ECE1: variants seen among roughly 807,000 people sequenced by gnomAD.
ECE1 encodes endothelin converting enzyme 1.
ECE1 carries 35 observed loss-of-function variants against 98.6 expected under a neutral mutation model. That is an observed-to-expected ratio of 0.35 (90% CI 0.27 to 0.47). The LOEUF (loss-of-function observed/expected upper bound fraction) is 0.47, where lower values mean the gene tolerates loss of function less well. Ranked by LOEUF, ECE1 falls within the 20% of genes least tolerant of loss-of-function variation. The pLI is 1.00. For synonymous variants in ECE1, 394 were observed against 407.1 expected (o/e 0.97, Z 0.39); for missense variants, 814 against 1,025.3 (o/e 0.79, Z 2.81).
rs11810746 is a variant in ECE1, at chr1:21,307,474, T to A, written c.4-17318A>T. Among the ~76,000 whole-genome samples, 121 of 152,162 alleles carry A rather than the reference T, an allele frequency of 8.0e-4. No homozygotes were observed. Among genetic ancestry groups the A allele is most frequent in the African/African-American group, 2.8e-3 (116 of 41,456 alleles). On this transcript the variant is annotated intron_variant, in intron 1 of 18. Coordinates refer to the ECE1 transcript ENST00000415912. This position sits in a 1 kb window ranked among gnomAD's most constrained non-coding sequence, Gnocchi z 4.2. ...AGACACCACTAGAGTCTGTGTAAAG[T>A]GCCAAGCACAGTGGCTGGCACATAT...
At chr1:21,249,042 G>A (rs978523425) in intron 8 of ECE1, among the ~76,000 whole-genome samples, 5 of 151,950 alleles carry the variant, frequency 3.3e-5, no homozygotes, top group Admixed American at 3.3e-4. Flanking sequence ...TCTAATTATT[G>A]TTTTGTTAGG....
intron 2 of ECE1, among the ~76,000 whole-genome samples, chr1:21,289,519 G>A (rs1306266196): frequency 6.6e-6 from 1 of 152,194 alleles, no homozygotes; most frequent in African/African-American, 2.4e-5. Context: ...TGGAAAAGGG[G>A]CAGGGAGAGG....
chr1:21,279,711 G>GC, intron 2 of ECE1: 1 of 1,344,356 alleles, frequency 7.4e-7, no homozygotes. Flanking sequence ...TCTCTGCAGA[G>GC]CCCCCACATC....
In ECE1 at chr1:21,256,064, C is replaced by G. The variant is rs1217841530; in HGVS notation, c.903G>C (p.Arg301=). The G allele has an allele frequency of 6.2e-7, 1 of 1,611,760 alleles. No individual in the cohort carries two copies. Among genetic ancestry groups the G allele is most frequent in the Admixed American group, 1.7e-5 (1 of 60,002 alleles). Residue 301 remains arginine (R), a synonymous_variant, in exon 8 of 19, where the codon CGG becomes CGC. Transcript: ENST00000374893. ...LLGGGDEEAI[R]PQMQQILDFE... ...AGTCCAAGATCTGCTGCATCTGGGG[C>G]CGGATGGCCTCCTCGTCCCCGCCGC...
chr1:21,219,663 TCTGGCG>T lies in ECE1; in HGVS notation c.*286_*291del, dbSNP rs2098164868. 4 of 491,134 alleles carry T rather than the reference TCTGGCG, an allele frequency of 8.1e-6. No homozygotes were observed. The highest frequency in any genetic ancestry group is 1.1e-5 in the Non-Finnish European group (3 of 269,180). 30.4% of individuals were successfully genotyped at this position (491,134 alleles called of 1,614,324 possible). ...TTGACACAGTGGTATTTGTGGCGTA[TCTGGCG>T]CTTGTCAGTGTGGGGCCCAGGCCTG... On this transcript the variant is annotated 3_prime_UTR_variant, in exon 19 of 19. Coordinates refer to ENST00000374893, the MANE Select transcript of ECE1 (RefSeq NM_001397.3). The surrounding 1 kb of genome is among the most constrained non-coding windows in gnomAD (Gnocchi z 4.5).
rs1289068792 is a variant in ECE1 at position 21,290,077 on chromosome 1, C to A, written c.131G>T (p.Gly44Val). 1.3e-6 allele frequency: 2 copies of A among 1,519,798 alleles called. No homozygotes were observed. Among genetic ancestry groups the A allele is most frequent in the Admixed American group, 2.0e-5 (1 of 50,462 alleles). The allele number at this position is 1,519,798 out of a possible 1,614,324, so 94.1% of individuals were successfully genotyped here. A position where few individuals can be genotyped will look rare whatever the true frequency, so the allele number is the denominator to read the frequency against. Residue 44 changes from glycine to valine, a missense_variant, in exon 2 of 19, where the codon GGC (glycine) becomes GTC (valine). Gly to Val is a moderately radical substitution (Grantham distance 109). Coordinates refer to ENST00000374893, the MANE Select transcript of ECE1 (RefSeq NM_001397.3). This position sits in a 1 kb window ranked among gnomAD's most constrained non-coding sequence, Gnocchi z 7.3. ...GGAGCGGAGGGCGCCTACCTGCAGG[C>A]CGTTGGGGTATGCGTCGCCCTCGGA... ...SLSEGDAYPN[G>V]LQVNFHSPRS...
In ECE1 at chr1:21,233,467, A is replaced by G. The variant is rs997285269; in HGVS notation, c.1670+91T>C. 2.6e-6 allele frequency: 3 copies of G among 1,145,484 alleles called. No homozygotes were observed. The highest frequency in any genetic ancestry group is 3.9e-6 in the Non-Finnish European group (3 of 770,130). 71.0% of individuals were successfully genotyped at this position (1,145,484 alleles called of 1,614,324 possible). Reference sequence around the variant, plus strand: ...GCTCTCGTGATAGCTGATCGGGTGCACAGTGAGGGTGCAATGAAGGCCAGT... The same window carrying G: ...GCTCTCGTGATAGCTGATCGGGTGCGCAGTGAGGGTGCAATGAAGGCCAGT... On this transcript the variant is annotated intron_variant, in intron 14 of 18. Transcript: ENST00000374893. This position sits in a 1 kb window ranked among gnomAD's most constrained non-coding sequence, Gnocchi z 4.0.
chr1:21,287,530 T>C (rs1012636159), intron 2 of ECE1, among the ~76,000 whole-genome samples: 5 of 152,000 alleles, frequency 3.3e-5, no homozygotes, highest in Admixed American at 1.3e-4. Flanking sequence ...TGTCTCAAAA[T>C]AAATAAATAA....
chr1:21,324,288 C>T (rs1000274632), intron 1 of ECE1, among the ~76,000 whole-genome samples: 2 of 152,206 alleles, frequency 1.3e-5, no homozygotes, highest in African/African-American at 4.8e-5. Flanking sequence ...AGATGTGCAC[C>T]ACCACACCCG....
intron 1 of ECE1, among the ~76,000 whole-genome samples, chr1:21,342,284 C>A (rs1283716247): frequency 6.6e-6 from 1 of 152,106 alleles, no homozygotes; most frequent in Non-Finnish European, 1.5e-5. Flanking sequence ...GCCAGGTTAC[C>A]CCTCCAAAAG....
Position 21,247,503 on chromosome 1 carries a change from C to T in ECE1, c.1021-140G>A, listed in dbSNP as rs148263663. On this transcript the variant is annotated intron_variant, in intron 8 of 18. Coordinates refer to ENST00000374893, the MANE Select transcript of ECE1 (RefSeq NM_001397.3). ...ACAGCGCACCGGGCAGAGAGTCAAG[C>T]GGAGCCTGGCGGGCTTTTGTCAGAG... is the stretch of plus-strand genomic sequence containing the variant. 6.7e-5 allele frequency: 82 copies of T among 1,232,664 alleles called. No individual in the cohort carries two copies. The African/African-American group carries it at 9.3e-4, about 14-fold the overall frequency. The allele number at this position is 1,232,664 out of a possible 1,614,324, so 76.4% of individuals were successfully genotyped here. A position where few individuals can be genotyped will look rare whatever the true frequency, so the allele number is the denominator to read the frequency against.
At chr1:21,297,613 C>T (rs1638393575) in intron 1 of ECE1, among the ~76,000 whole-genome samples, 1 of 149,034 alleles carries the variant, frequency 6.7e-6, no homozygotes, top group South Asian at 2.1e-4. Context: ...CTCACTGTAA[C>T]CTCTGCCTCC....
At chr1:21,274,758 G>A (rs1372285760) in intron 3 of ECE1, among the ~76,000 whole-genome samples, 1 of 152,178 alleles carries the variant, frequency 6.6e-6, no homozygotes, top group African/African-American at 2.4e-5. Context: ...ACAACAGCAG[G>A]AAAATCAGGG....
chr1:21,256,357 A>G (rs896982561), intron 7 of ECE1, among the ~76,000 whole-genome samples: 2 of 152,090 alleles, frequency 1.3e-5, no homozygotes, highest in African/African-American at 4.8e-5. Flanking sequence ...GGAGTTTGAG[A>G]CCAACCTGGC....
intron 4 of ECE1, among the ~76,000 whole-genome samples, chr1:21,261,091 T>A (rs977263376): frequency 1.4e-4 from 22 of 152,300 alleles, no homozygotes; most frequent in Non-Finnish European, 1.2e-4. Flanking sequence ...CTGGTGAAGA[T>A]GACCGCTTCC....
At chr1:21,318,518 C>A (rs570286371) in intron 1 of ECE1, among the ~76,000 whole-genome samples, 1 of 152,098 alleles carries the variant, frequency 6.6e-6, no homozygotes, top group African/African-American at 2.4e-5. Flanking sequence ...TTGGGGCAGA[C>A]ATTTCTCCGC....
At chr1:21,268,918 G>C (rs762642093) in intron 4 of ECE1, among the ~76,000 whole-genome samples, 1 of 152,232 alleles carries the variant, frequency 6.6e-6, no homozygotes, top group Non-Finnish European at 1.5e-5. Context: ...TTCCAGACTA[G>C]TTCCGAGGAC....
rs1569756409 is a variant in ECE1 at position 21,322,440 on chromosome 1, G to A, written c.3+22936C>T. Among the ~76,000 whole-genome samples the A allele has an allele frequency of 6.6e-6, 1 of 152,350 alleles. No individual in the cohort carries two copies. The highest frequency in any genetic ancestry group is 1.9e-4 in the East Asian group (1 of 5,182). ...CTGCACAGTTGCCATGGAAACACCA[G>A]TGGGTTCTTTGGGGGCAGGAGAGCA... On this transcript the variant is annotated intron_variant, in intron 1 of 18. Coordinates refer to the ECE1 transcript ENST00000415912. The surrounding 1 kb of genome is among the most constrained non-coding windows in gnomAD (Gnocchi z 4.1).
chr1:21,287,457 C>T (rs540269095), intron 2 of ECE1, among the ~76,000 whole-genome samples: 20 of 152,120 alleles, frequency 1.3e-4, no homozygotes, highest in African/African-American at 2.4e-4. Flanking sequence ...ACCTGGGAGG[C>T]GGAGGTTGCA....
Sources: allele counts gnomAD v4.1 joint callset (sites outside exome capture counted in the v4.1 genomes callset), GRCh38; gene constraint gnomAD v4.1.1; non-coding constraint Gnocchi (gnomAD v3.1); transcripts MANE v1.5; gene names NCBI Gene and HGNC (gene_info 2026-07-23, HGNC 2026-07-21).